Variants in TEX48 observed in about 807,000 individuals in gnomAD.
The protein encoded by TEX48 is testis-expressed protein 48.
A neutral mutation model predicts 13.2 loss-of-function variants in TEX48; 10 were observed. The observed-to-expected ratio is 0.75, with a 90% CI of 0.47 to 1.28. The LOEUF (loss-of-function observed/expected upper bound fraction) is 1.28. Ranked by LOEUF, TEX48 falls within the 50% of genes most tolerant of loss-of-function variation. The pLI is 0.00. For missense variants in TEX48, 116 were observed against 139.4 expected (o/e 0.83, Z 0.84); for synonymous variants, 45 against 52.3 (o/e 0.86, Z 0.60).
intron 4 of TEX48, among the ~76,000 whole-genome samples, chr9:114,667,905 C>CAAAAAAAAA (rs1176250476): frequency 5.0e-5 from 3 of 60,496 alleles, no homozygotes; most frequent in African/African-American, 6.9e-5. Flanking sequence ...GACTCCATCT[C>CAAAAAAAAA]AAAAAAAAAA....
intron 4 of TEX48, 80 bp from the exon 5 acceptor site, chr9:114,666,826 C>A (rs1194629042): frequency 2.8e-6 from 2 of 726,740 alleles, no homozygotes; most frequent in East Asian, 5.4e-5. Context: ...TTGTTTGTAT[C>A]CATTGCTGAT....
intron 1 of TEX48, among the ~76,000 whole-genome samples, chr9:114,676,155 T>C (rs576197196): frequency 1.1e-4 from 16 of 152,296 alleles, no homozygotes; most frequent in African/African-American, 2.9e-4. Flanking sequence ...TTTTCCTTTT[T>C]CTTTTTCTTT....
chr9:114,670,393 C>A (rs1827924073), intron 3 of TEX48, among the ~76,000 whole-genome samples: 1 of 152,126 alleles, frequency 6.6e-6, no homozygotes, highest in African/African-American at 2.4e-5. Context: ...TTGTATTATC[C>A]TGTCTCTCAG....
rs532261876 is a variant in TEX48 at position 114,666,443 on chromosome 9, A to G, written c.*200T>C. The G allele has an allele frequency of 6.0e-6, 3 of 496,756 alleles. No homozygotes were observed. Among genetic ancestry groups the G allele is most frequent in the African/African-American group, 2.0e-5 (1 of 50,852 alleles). The allele number at this position is 496,756 out of a possible 1,614,324, so 30.8% of individuals were successfully genotyped here. ...AGAGAAGGACACATCCTCTGGTGCA[A>G]TCAAGAACTTTAATTGGAGGCAGCT... On this transcript the variant is annotated 3_prime_UTR_variant, in exon 5 of 5. Transcript: ENST00000436752.
intron 1 of TEX48, among the ~76,000 whole-genome samples, chr9:114,673,720 C>T (rs372012743): frequency 2.6e-5 from 4 of 151,398 alleles, no homozygotes; most frequent in African/African-American, 7.3e-5. Context: ...ATGCTAAGAT[C>T]GAAGGAAAAT....
At chr9:114,668,111 C>T (rs1827875309) in intron 4 of TEX48, 95 bp downstream of exon 4, 3 of 1,447,654 alleles carry the variant, frequency 2.1e-6, no homozygotes, top group African/African-American at 1.4e-5. Flanking sequence ...CTCCCCATCT[C>T]GCTTAGCTGA....
intron 1 of TEX48, among the ~76,000 whole-genome samples, 180 bp from the exon 2 acceptor site, chr9:114,672,007 T>C (rs1453494471): frequency 6.6e-6 from 1 of 152,238 alleles, no homozygotes; most frequent in East Asian, 1.9e-4. Flanking sequence ...GTGGATTCTT[T>C]ACCCTTTTTG....
At chr9:114,670,451 T>G (rs765475321) in intron 3 of TEX48, among the ~76,000 whole-genome samples, 14 of 152,122 alleles carry the variant, frequency 9.2e-5, no homozygotes, top group Non-Finnish European at 1.8e-4. Flanking sequence ...CCCTCCCACC[T>G]GTGTGAGTCC....
intron 1 of TEX48, among the ~76,000 whole-genome samples, chr9:114,672,945 A>C (rs1827976182): frequency 6.6e-6 from 1 of 152,188 alleles, no homozygotes; most frequent in African/African-American, 2.4e-5. Flanking sequence ...ACTTGCGAAA[A>C]GGTCAATAGA....
At chr9:114,669,463 T>C (rs1589375888) in intron 3 of TEX48, among the ~76,000 whole-genome samples, 1 of 151,112 alleles carries the variant, frequency 6.6e-6, no homozygotes, top group Non-Finnish European at 1.5e-5. Flanking sequence ...TTTTTTGAGA[T>C]AGAGTTTCGC....
intron 1 of TEX48, among the ~76,000 whole-genome samples, chr9:114,674,294 C>T (rs910825770): frequency 3.3e-5 from 5 of 151,994 alleles, no homozygotes; most frequent in Admixed American, 1.3e-4. Flanking sequence ...TTCCATTTGC[C>T]CCCCCTGCTG....
chr9:114,677,017 T>C (rs1464718112), intron 1 of TEX48, among the ~76,000 whole-genome samples: 1 of 152,194 alleles, frequency 6.6e-6, no homozygotes, highest in African/African-American at 2.4e-5. Flanking sequence ...CTCTGACTGT[T>C]GGAAAAAAAC....
intron 4 of TEX48, 53 bp downstream of exon 4, chr9:114,668,153 G>A: frequency 2.0e-6 from 3 of 1,531,890 alleles, no homozygotes; most frequent in Non-Finnish European, 2.6e-6. Context: ...TTAGGACCAG[G>A]CTCCCTGTCT....
intron 1 of TEX48, among the ~76,000 whole-genome samples, chr9:114,678,433 A>G (rs1241225584): frequency 6.6e-6 from 1 of 152,224 alleles, no homozygotes; most frequent in African/African-American, 2.4e-5. Context: ...GTTGGGTAAA[A>G]ATAGAATCTT....
chr9:114,680,595 A>T (rs545065596), intron 1 of TEX48, among the ~76,000 whole-genome samples: 1 of 152,364 alleles, frequency 6.6e-6, no homozygotes, highest in East Asian at 1.9e-4. Flanking sequence ...ACATGGAAAA[A>T]TGGAACTGTG....
At chr9:114,669,282 T>A (rs1589375767) in intron 3 of TEX48, among the ~76,000 whole-genome samples, 1 of 152,184 alleles carries the variant, frequency 6.6e-6, no homozygotes, top group East Asian at 1.9e-4. Context: ...ATTATTTATT[T>A]ATTTATTTAT....
In TEX48 at chr9:114,671,398, T is replaced by C; in HGVS notation, c.112A>G (p.Lys38Glu). 3.3e-6 allele frequency: 5 copies of C among 1,535,462 alleles called. No homozygotes were observed. The highest frequency in any genetic ancestry group is 4.4e-6 in the Non-Finnish European group (5 of 1,146,780). Residue 38 changes from lysine to glutamate, a missense_variant, in exon 3 of 5, where the codon AAG becomes GAG. Transcript: ENST00000436752. The stretch of plus-strand genomic sequence containing the variant: ...TGATACCTACTTTGGGTCGATGGCT[T>C]GTGCTCCTGGGTTTGACTGGGAACC... ...SKVPSQTQEHKPSTQNLLLQK... is the reference protein window; with the variant it reads ...SKVPSQTQEHEPSTQNLLLQK...
rs1827844681 is a variant in TEX48 at position 114,666,544 on chromosome 9, C to T, written c.*99G>A. The T allele has an allele frequency of 1.5e-6, 1 of 666,228 alleles. No homozygotes were observed. Among genetic ancestry groups the T allele is most frequent in the East Asian group, 2.8e-5 (1 of 35,744 alleles). 41.3% of individuals were successfully genotyped at this position (666,228 alleles called of 1,614,324 possible). On this transcript the variant is annotated 3_prime_UTR_variant, in exon 5 of 5. Coordinates refer to ENST00000436752, the MANE Select transcript of TEX48 (RefSeq NM_001199233.2). ...AAGGATGGCTCAGATGTCTTCTCCT[C>T]CTTCAGGGGAGTTTCCGAATTAGTC...
At chr9:114,669,960 C>G (rs1286909234) in intron 3 of TEX48, among the ~76,000 whole-genome samples, 1 of 152,098 alleles carries the variant, frequency 6.6e-6, no homozygotes, top group Non-Finnish European at 1.5e-5. Context: ...TCTAGAAGAA[C>G]AACAAAGAAT....
Sources: gnomAD v4.1 joint callset for allele counts (sites outside exome capture counted in the v4.1 genomes callset) on GRCh38, gnomAD v4.1.1 for gene constraint, MANE v1.5 for transcripts, NCBI Gene and HGNC (gene_info 2026-07-23, HGNC 2026-07-21) for gene names.